Variants in CAST observed in about 807,000 individuals in gnomAD.
The protein encoded by CAST is calpastatin.
CAST carries 76 observed loss-of-function variants against 119.6 expected under a neutral mutation model. That is an observed-to-expected ratio of 0.64 (90% CI 0.53 to 0.77). The LOEUF is 0.77. CAST is among the 30% of genes least tolerant of loss of function. The pLI, the probability that CAST is intolerant of heterozygous loss-of-function variation, is 0.00. For missense variants in CAST, 953 were observed against 946.5 expected (o/e 1.01, Z -0.09); for synonymous variants, 319 against 331.6 (o/e 0.96, Z 0.41).
the CAST span, among the ~76,000 whole-genome samples, chr5:96,386,000 GT>G: frequency 6.6e-6 from 1 of 152,128 alleles, no homozygotes; most frequent in Admixed American, 6.5e-5. Context: ...AACAAAACAT[GT>G]TACCCCTCAG....
chr5:96,304,475 T>C, the CAST span, among the ~76,000 whole-genome samples: 1 of 152,256 alleles, frequency 6.6e-6, no homozygotes, highest in African/African-American at 2.4e-5. Context: ...TTGTCAATTT[T>C]GGCTTTTGTT....
At chr5:96,184,111 C>T in the CAST span, among the ~76,000 whole-genome samples, 24 of 152,140 alleles carry the variant, frequency 1.6e-4, no homozygotes, top group Admixed American at 1.5e-3. Context: ...TTGTCTTTGG[C>T]CAGGATAGGT....
chr5:96,412,702 C>CT, the CAST span, among the ~76,000 whole-genome samples: 1 of 146,488 alleles, frequency 6.8e-6, no homozygotes, highest in Non-Finnish European at 1.5e-5. Flanking sequence ...TTTTGTCGCA[C>CT]TTTAGAGATA....
the CAST span, chr5:96,433,053 C>G: frequency 6.2e-7 from 1 of 1,613,478 alleles, no homozygotes; most frequent in Non-Finnish European, 8.5e-7. Flanking sequence ...AGCTCACACA[C>G]TCGCTTGAAC....
chr5:96,300,728 C>T, the CAST span, among the ~76,000 whole-genome samples: 16 of 151,386 alleles, frequency 1.1e-4, no homozygotes, highest in African/African-American at 2.9e-4. Flanking sequence ...TATCCATGAA[C>T]GTGGGATATC....
At chr5:96,583,993 C>CA (rs1332088528) in intron 1 of CAST, among the ~76,000 whole-genome samples, 2 of 152,130 alleles carry the variant, frequency 1.3e-5, no homozygotes, top group African/African-American at 4.8e-5. Flanking sequence ...TAATGTTAAC[C>CA]ATGGGTTGCC....
At chr5:96,166,877 TG>T in the CAST span, among the ~76,000 whole-genome samples, 239 of 152,216 alleles carry the variant, frequency 1.6e-3, 2 homozygotes, top group African/African-American at 5.5e-3. Flanking sequence ...GGTAAAGTGT[TG>T]GGGTGGTGAA....
At chr5:96,399,331 C>T in the CAST span, among the ~76,000 whole-genome samples, 1 of 152,116 alleles carries the variant, frequency 6.6e-6, no homozygotes, top group Middle Eastern at 3.2e-3. Context: ...ATCTAGAAGG[C>T]CTTCTGAAGG....
At chr5:95,975,747 A>G in the CAST span, among the ~76,000 whole-genome samples, 2 of 152,300 alleles carry the variant, frequency 1.3e-5, no homozygotes, top group Admixed American at 6.5e-5. Flanking sequence ...CAGGTCATCT[A>G]TGCATCCACA....
chr5:96,625,606 C>G (rs1747705748), intron 1 of CAST, among the ~76,000 whole-genome samples: 1 of 152,226 alleles, frequency 6.6e-6, no homozygotes, highest in South Asian at 2.1e-4. Flanking sequence ...CTGTAACATT[C>G]CTTAGCAAAG....
the CAST span, among the ~76,000 whole-genome samples, chr5:96,465,655 C>G: frequency 1.3e-5 from 2 of 152,060 alleles, no homozygotes; most frequent in Non-Finnish European, 2.9e-5. Flanking sequence ...GTCTTTTCTA[C>G]TTTCAATATT....
chr5:96,107,186 G>T, the CAST span, among the ~76,000 whole-genome samples: 4 of 152,024 alleles, frequency 2.6e-5, no homozygotes, highest in African/African-American at 9.7e-5. Flanking sequence ...CAATTTGCCA[G>T]TCTGTGTTTT....
At chr5:96,638,967 C>T (rs781640331) in intron 1 of CAST, among the ~76,000 whole-genome samples, 2 of 152,202 alleles carry the variant, frequency 1.3e-5, no homozygotes, top group African/African-American at 4.8e-5. Flanking sequence ...GACTTCATCC[C>T]TTCTCTAGAC....
chr5:96,174,646 T>G, the CAST span, among the ~76,000 whole-genome samples: 19 of 152,264 alleles, frequency 1.2e-4, no homozygotes, highest in African/African-American at 4.1e-4. Flanking sequence ...TTTTAAGAAT[T>G]TTTAGAAATG....
rs142152429 is a variant in CAST at position 96,758,767 on chromosome 5, C to T, written c.1833+1113C>T. 1.3e-3 allele frequency among the ~76,000 whole-genome samples: 205 copies of T among 152,276 alleles called. 1 individual carries two copies. The highest frequency in any genetic ancestry group is 4.8e-3 in the African/African-American group (201 of 41,558). On this transcript the variant is annotated intron_variant, in intron 24 of 31. Transcript: ENST00000675179. ...ACCGTGCTGCTCAGTCACCTCATCC[C>T]GTGACCTTCCTCTCATCGTCTTCCA... is the stretch of plus-strand genomic sequence containing the variant.
chr5:96,439,790 C>G, the CAST span, among the ~76,000 whole-genome samples: 1 of 152,274 alleles, frequency 6.6e-6, no homozygotes. Context: ...CCAGTGAACA[C>G]AGGGATTAAT....
chr5:96,669,204 A>G (rs1233468176), intron 1 of CAST, among the ~76,000 whole-genome samples: 1 of 152,268 alleles, frequency 6.6e-6, no homozygotes, highest in Non-Finnish European at 1.5e-5. Flanking sequence ...CCAGCTTTAC[A>G]GAAGCTTTGG....
chr5:96,181,867 ATT>A, the CAST span, among the ~76,000 whole-genome samples: 1 of 152,234 alleles, frequency 6.6e-6, no homozygotes, highest in Non-Finnish European at 1.5e-5. Flanking sequence ...TATAACATCA[ATT>A]TTGTTATATA....
At chr5:96,642,556 T>G (rs1747964492) in intron 1 of CAST, among the ~76,000 whole-genome samples, 1 of 151,918 alleles carries the variant, frequency 6.6e-6, no homozygotes, top group Non-Finnish European at 1.5e-5. Flanking sequence ...TTTTTTTTTT[T>G]TTGAGACAAG....
Sources: gnomAD v4.1 joint callset for allele counts (sites outside exome capture counted in the v4.1 genomes callset) on GRCh38, gnomAD v4.1.1 for gene constraint, MANE v1.5 for transcripts, NCBI Gene and HGNC (gene_info 2026-07-23, HGNC 2026-07-21) for gene names.